Variants in HMGCLL1 observed in about 807,000 individuals in gnomAD.
HMGCLL1 encodes the protein 3-hydroxymethyl-3-methylglutaryl-CoA lyase, cytoplasmic.
In HMGCLL1, 36 loss-of-function variants were observed where a neutral mutation model predicts 39.1. The observed-to-expected ratio is 0.92, with a 90% confidence interval of 0.71 to 1.22. HMGCLL1 has a LOEUF of 1.22. HMGCLL1 is among the 50% of genes most tolerant of loss of function. The probability of loss-of-function intolerance (pLI) is 0.00; values close to 1 mark genes in which losing one functional copy is unlikely to be tolerated. For synonymous variants in HMGCLL1, 149 were observed against 144.0 expected (o/e 1.03, Z -0.25); for missense variants, 451 against 416.5 (o/e 1.08, Z -0.72).
At chr6:55,474,799 A>G (rs1393267369) in intron 7 of HMGCLL1, among the ~76,000 whole-genome samples, 1 of 151,614 alleles carries the variant, frequency 6.6e-6, no homozygotes, top group Non-Finnish European at 1.5e-5. Context: ...GTTTGGTTGC[A>G]TTTAATGTTT....
chr6:55,558,757 A>G (rs1264609976), intron 1 of HMGCLL1, among the ~76,000 whole-genome samples: 1 of 152,182 alleles, frequency 6.6e-6, no homozygotes, highest in East Asian at 1.9e-4. Flanking sequence ...AAACATGTGA[A>G]AAAGGAACTT....
intron 7 of HMGCLL1, among the ~76,000 whole-genome samples, chr6:55,471,897 A>G (rs73447038): frequency 0.08 from 12,149 of 151,646 alleles, 1,574 homozygotes; most frequent in African/African-American, 0.28. Flanking sequence ...TTGCATGTTC[A>G]TGAATATTAT....
intron 1 of HMGCLL1, among the ~76,000 whole-genome samples, chr6:55,545,081 A>G (rs536182639): frequency 6.6e-6 from 1 of 152,256 alleles, no homozygotes; most frequent in African/African-American, 2.4e-5. Context: ...ATGAAACAAA[A>G]ACAAAACTAG....
chr6:55,577,313 G>A, intron 1 of HMGCLL1: 2 of 1,104,636 alleles, frequency 1.8e-6, no homozygotes, highest in Non-Finnish European at 1.3e-6. Context: ...ACAAAAAGAA[G>A]CATAACTCTG....
chr6:55,627,405 C>T, the HMGCLL1 span, among the ~76,000 whole-genome samples: 4 of 151,964 alleles, frequency 2.6e-5, no homozygotes, highest in African/African-American at 4.8e-5. Context: ...AGTTGTATTA[C>T]ATTAGGCGTA....
intron 1 of HMGCLL1, chr6:55,563,797 G>C (rs1771081140): frequency 1.0e-6 from 1 of 991,696 alleles, no homozygotes. Flanking sequence ...TTGAGAAGTT[G>C]TTAGGCTTCT....
intron 7 of HMGCLL1, among the ~76,000 whole-genome samples, chr6:55,479,476 C>A (rs1429481567): frequency 6.6e-6 from 1 of 151,518 alleles, no homozygotes; most frequent in Non-Finnish European, 1.5e-5. Context: ...TAATACATTT[C>A]CTGAATCACT....
chr6:55,589,978 C>A, the HMGCLL1 span, among the ~76,000 whole-genome samples: 1 of 151,734 alleles, frequency 6.6e-6, no homozygotes, highest in Non-Finnish European at 1.5e-5. Flanking sequence ...CCATACTGCC[C>A]AAGGTAATTT....
chr6:55,573,332 T>C (rs571852353), intron 1 of HMGCLL1, among the ~76,000 whole-genome samples: 1 of 152,272 alleles, frequency 6.6e-6, no homozygotes, highest in Non-Finnish European at 1.5e-5. Context: ...GTGTCTAACA[T>C]ATTATTTAAA....
At position 55,517,361 on chromosome 6, in the gene HMGCLL1, G is replaced by A. The variant is rs190140606; in HGVS notation, c.298-758C>T. Among the ~76,000 whole-genome samples, 351 of 152,010 alleles carry A rather than the reference G, an allele frequency of 2.3e-3. 4 individuals are homozygous for A. The highest frequency in any genetic ancestry group is 9.6e-3 in the South Asian group (46 of 4,814). ...TCAGATCCCATAATCATCACACAGA[G>A]AAATTACCATTGACATAACCATGAG... On this transcript the variant is annotated intron_variant, in intron 3 of 8. Transcript: ENST00000274901.
intron 7 of HMGCLL1, among the ~76,000 whole-genome samples, chr6:55,447,013 T>A (rs190369016): frequency 1.6e-3 from 247 of 152,154 alleles, no homozygotes; most frequent in African/African-American, 4.9e-3. Context: ...TGAATATTCA[T>A]ATAGAATAAA....
the HMGCLL1 span, among the ~76,000 whole-genome samples, chr6:55,663,461 C>A: frequency 1.3e-5 from 2 of 151,860 alleles, no homozygotes; most frequent in African/African-American, 4.8e-5. Flanking sequence ...CAATCAGGAG[C>A]ACATTGTTTA....
At chr6:55,451,351 G>A (rs1184502314) in intron 7 of HMGCLL1, among the ~76,000 whole-genome samples, 3 of 152,062 alleles carry the variant, frequency 2.0e-5, no homozygotes, top group South Asian at 4.1e-4. Context: ...GGCTGGGCGC[G>A]GTGGCTCACA....
intron 3 of HMGCLL1, among the ~76,000 whole-genome samples, chr6:55,527,353 G>T (rs936913836): frequency 1.3e-5 from 2 of 151,968 alleles, no homozygotes; most frequent in African/African-American, 4.8e-5. Context: ...TCCTGTAAGA[G>T]CCAGGAATCT....
the HMGCLL1 span, among the ~76,000 whole-genome samples, chr6:55,637,195 T>A: frequency 6.6e-6 from 1 of 152,146 alleles, no homozygotes; most frequent in Admixed American, 6.6e-5. Context: ...CTTGACGAGC[T>A]TTTATTTGAG....
chr6:55,539,231 A>G (rs1248986958), intron 3 of HMGCLL1, among the ~76,000 whole-genome samples: 3 of 152,210 alleles, frequency 2.0e-5, no homozygotes, highest in African/African-American at 7.2e-5. Context: ...ACCAAACCAA[A>G]GTTTCCAGGC....
intron 3 of HMGCLL1, among the ~76,000 whole-genome samples, chr6:55,521,473 T>C (rs529806088): frequency 1.6e-4 from 24 of 152,204 alleles, no homozygotes; most frequent in African/African-American, 5.3e-4. Flanking sequence ...ATTGGCATCA[T>C]TTTTCCAACA....
At chr6:55,484,532 T>C (rs1765912587) in intron 7 of HMGCLL1, among the ~76,000 whole-genome samples, 1 of 152,110 alleles carries the variant, frequency 6.6e-6, no homozygotes, top group African/African-American at 2.4e-5. Context: ...AAATATAACA[T>C]GCCCCAAACT....
chr6:55,580,608 G>A (rs1256365723), upstream of HMGCLL1, among the ~76,000 whole-genome samples: 1 of 151,744 alleles, frequency 6.6e-6, no homozygotes, highest in Admixed American at 6.6e-5. Flanking sequence ...GTAGAGACGG[G>A]GTTTCACCGC....
Sources: gnomAD v4.1 joint callset for allele counts (sites outside exome capture counted in the v4.1 genomes callset) on GRCh38, gnomAD v4.1.1 for gene constraint, MANE v1.5 for transcripts, NCBI Gene and HGNC (gene_info 2026-07-23, HGNC 2026-07-21) for gene names.